SYT1: variants seen among roughly 807,000 people sequenced by gnomAD.
SYT1 encodes the protein synaptotagmin-1.
Under a neutral mutation model 44.8 loss-of-function variants are expected in SYT1, and 8 were observed. The observed-to-expected ratio is 0.18, with a 90% CI of 0.10 to 0.32. SYT1 has a LOEUF of 0.32. Among genes scored for constraint, SYT1 ranks in the 10% least tolerant of loss-of-function variants. The probability of loss-of-function intolerance (pLI) is 1.00; values close to 1 mark genes in which losing one functional copy is unlikely to be tolerated. For missense variants in SYT1, 286 were observed against 509.3 expected (o/e 0.56, Z 4.22); for synonymous variants, 154 against 188.8 (o/e 0.82, Z 1.51).
chr12:79,083,298 G>A (rs1055059077), intron 3 of SYT1, among the ~76,000 whole-genome samples: 1 of 152,134 alleles, frequency 6.6e-6, no homozygotes, highest in Admixed American at 6.6e-5. Context: ...ATTACTGACT[G>A]AAGTATAAAT....
At chr12:79,002,677 T>A (rs965957613) in intron 2 of SYT1, among the ~76,000 whole-genome samples, 12 of 152,002 alleles carry the variant, frequency 7.9e-5, no homozygotes, top group African/African-American at 2.4e-4. Context: ...TAATTGTGAA[T>A]CTAGTTTAGC....
At chr12:79,196,723 A>C (rs1873485321) in intron 3 of SYT1, among the ~76,000 whole-genome samples, 1 of 152,236 alleles carries the variant, frequency 6.6e-6, no homozygotes, top group Non-Finnish European at 1.5e-5. Context: ...TGCTACATAC[A>C]GCCCAATGAC....
At chr12:79,030,724 A>G (rs1034102831) in intron 2 of SYT1, among the ~76,000 whole-genome samples, 1 of 151,086 alleles carries the variant, frequency 6.6e-6, no homozygotes, top group Admixed American at 6.6e-5. Flanking sequence ...ACCAATATAC[A>G]TTATGAGTGA....
intron 8 of SYT1, among the ~76,000 whole-genome samples, chr12:79,348,908 AAAGG>A (rs1466579410): frequency 6.6e-6 from 1 of 150,916 alleles, no homozygotes; most frequent in East Asian, 1.9e-4. Context: ...AGAAAGAAAG[AAAGG>A]AAGAAAGGAA....
intron 1 of SYT1, among the ~76,000 whole-genome samples, chr12:78,912,634 G>A (rs144399214): frequency 6.6e-6 from 1 of 151,802 alleles, no homozygotes; most frequent in African/African-American, 2.4e-5. Context: ...GGCATGCAAA[G>A]GTAAAGGCAG....
At chr12:79,266,304 G>A (rs1221657900) in intron 4 of SYT1, among the ~76,000 whole-genome samples, 1 of 152,036 alleles carries the variant, frequency 6.6e-6, no homozygotes, top group African/African-American at 2.4e-5. Flanking sequence ...AAAACAAAAG[G>A]AGTGAATACA....
intron 3 of SYT1, among the ~76,000 whole-genome samples, chr12:79,052,048 TTTCCAA>T (rs1388757724): frequency 6.6e-6 from 1 of 152,162 alleles, no homozygotes; most frequent in Non-Finnish European, 1.5e-5. Context: ...AAAATAGTTT[TTTCCAA>T]TTCTGTGAAG....
intron 3 of SYT1, among the ~76,000 whole-genome samples, chr12:79,180,476 C>CT (rs202143529): frequency 0.11 from 9,003 of 80,100 alleles, 322 homozygotes; most frequent in African/African-American, 0.22. Context: ...AATTTATTTT[C>CT]TTTTTTTTTT....
At chr12:78,872,250 G>A (rs1873859685) in intron 1 of SYT1, among the ~76,000 whole-genome samples, 1 of 151,684 alleles carries the variant, frequency 6.6e-6, no homozygotes, top group South Asian at 2.1e-4. Context: ...AGTTTCCAAC[G>A]ACTTGTTTTT....
At chr12:79,290,691 T>C (rs1047464239) in intron 5 of SYT1, among the ~76,000 whole-genome samples, 3 of 152,238 alleles carry the variant, frequency 2.0e-5, no homozygotes, top group Middle Eastern at 3.4e-3. Context: ...CATACACATA[T>C]ACAAAAATAG....
At chr12:78,953,979 G>A (rs1179221550) in intron 1 of SYT1, among the ~76,000 whole-genome samples, 1 of 151,938 alleles carries the variant, frequency 6.6e-6, no homozygotes, top group Non-Finnish European at 1.5e-5. Context: ...GTGATATTAA[G>A]GCAAATTATT....
intron 8 of SYT1, among the ~76,000 whole-genome samples, chr12:79,312,160 C>G (rs1175438157): frequency 2.6e-5 from 4 of 151,988 alleles, no homozygotes; most frequent in Non-Finnish European, 4.4e-5. Flanking sequence ...AAATTCTCAT[C>G]TAGTCTAAGA....
chr12:79,240,301 T>C (rs1196764503), intron 4 of SYT1, among the ~76,000 whole-genome samples: 1 of 152,222 alleles, frequency 6.6e-6, no homozygotes, highest in Admixed American at 6.5e-5. Flanking sequence ...TTTTACAAAA[T>C]TTAAAGGATT....
chr12:79,044,511 T>A (rs1044521137), intron 2 of SYT1, among the ~76,000 whole-genome samples: 24 of 143,470 alleles, frequency 1.7e-4, no homozygotes, highest in African/African-American at 5.9e-4. Context: ...TATTGGTTAT[T>A]CTAGTTATAC....
intron 4 of SYT1, among the ~76,000 whole-genome samples, chr12:79,283,958 G>GCTCT (rs1879177361): frequency 6.6e-6 from 1 of 151,794 alleles, no homozygotes; most frequent in Non-Finnish European, 1.5e-5. Context: ...AAAGCAAAGA[G>GCTCT]AGTAGATTTT....
chr12:78,867,691 CAT>C (rs1472679651), intron 1 of SYT1, among the ~76,000 whole-genome samples: 4 of 151,906 alleles, frequency 2.6e-5, no homozygotes, highest in Non-Finnish European at 5.9e-5. Context: ...AAAAATACCA[CAT>C]GATTGAGAGT....
At chr12:78,874,431 G>A (rs964806805) in intron 1 of SYT1, among the ~76,000 whole-genome samples, 2 of 151,476 alleles carry the variant, frequency 1.3e-5, no homozygotes, top group Non-Finnish European at 3.0e-5. Context: ...ATGGCAATAG[G>A]ATAAAAGTAT....
intron 4 of SYT1, among the ~76,000 whole-genome samples, chr12:79,268,217 T>C (rs1025069048): frequency 2.0e-5 from 3 of 152,208 alleles, no homozygotes; most frequent in African/African-American, 7.2e-5. Context: ...AAAGTTTTGA[T>C]GTATTGACAG....
At chr12:79,012,478 G>T (rs1236859267) in intron 2 of SYT1, among the ~76,000 whole-genome samples, 1 of 152,120 alleles carries the variant, frequency 6.6e-6, no homozygotes, top group Non-Finnish European at 1.5e-5. Flanking sequence ...TACTATTCTG[G>T]TATACAAAAG....
Sources: gnomAD v4.1 joint callset for allele counts (sites outside exome capture counted in the v4.1 genomes callset) on GRCh38, gnomAD v4.1.1 for gene constraint, MANE v1.5 for transcripts, NCBI Gene and HGNC (gene_info 2026-07-23, HGNC 2026-07-21) for gene names.